YTHDC2: variants seen among roughly 807,000 people sequenced by gnomAD.
The protein encoded by YTHDC2 is YTH N6-methyladenosine RNA binding protein C2.
YTHDC2 carries 45 observed loss-of-function variants against 174.9 expected under a neutral mutation model. The ratio of observed to expected loss-of-function variants is 0.26; its 90% CI spans 0.20 to 0.33. The LOEUF (loss-of-function observed/expected upper bound fraction) is 0.33, where lower values mean the gene tolerates loss of function less well. Ranked by LOEUF, YTHDC2 falls within the 10% of genes least tolerant of loss-of-function variation. The probability of loss-of-function intolerance (pLI) is 1.00; values close to 1 mark genes in which losing one functional copy is unlikely to be tolerated. For missense variants in YTHDC2, 1,650 were observed against 1,723.7 expected (o/e 0.96, Z 0.76); for synonymous variants, 657 against 574.5 (o/e 1.14, Z -2.05).
intron 18 of YTHDC2, among the ~76,000 whole-genome samples, chr5:113,561,392 C>T (rs1776952989): frequency 1.5e-5 from 2 of 130,374 alleles, no homozygotes; most frequent in South Asian, 4.4e-4. Context: ...TAAAGAATCA[C>T]TTGAATATTT....
In YTHDC2 at chr5:113,532,969, G is replaced by A. The variant is rs1774782188; in HGVS notation, c.766G>A (p.Val256Met). The change falls in exon 5 of 30, where the codon GTG (valine) becomes ATG (methionine). Residue 256 changes from valine (V) to methionine (M), a missense_variant. By Grantham distance (21) the Val-to-Met change is conservative. Coordinates refer to ENST00000161863, the MANE Select transcript of YTHDC2 (RefSeq NM_022828.5). ...TQPRRLAAIAVAERVAAERRE... is the reference protein window; with the variant it reads ...TQPRRLAAIAMAERVAAERRE... ...ACCAAGACGATTGGCAGCTATCGCT[G>A]TGGCTGAAAGAGTTGCCGCAGAGAG... is the stretch of plus-strand genomic sequence containing the variant. 6.2e-7 allele frequency: 1 copy of A among 1,614,190 alleles called. No individual in the cohort carries two copies. Among genetic ancestry groups the A allele is most frequent in the Non-Finnish European group, 8.5e-7 (1 of 1,180,032 alleles).
At chr5:113,517,916 T>TC (rs1450404083) in intron 2 of YTHDC2, among the ~76,000 whole-genome samples, 1 of 152,074 alleles carries the variant, frequency 6.6e-6, no homozygotes. Flanking sequence ...TGAGATGGAG[T>TC]CTTGCTCTGT....
intron 26 of YTHDC2, among the ~76,000 whole-genome samples, chr5:113,589,651 G>C (rs535981680): frequency 1.4e-3 from 214 of 151,814 alleles, no homozygotes; most frequent in Non-Finnish European, 2.2e-3. Flanking sequence ...AGGATCACAT[G>C]AACCCAGGAA....
intron 10 of YTHDC2, among the ~76,000 whole-genome samples, chr5:113,544,557 GTT>G (rs1775720231): frequency 6.6e-6 from 1 of 152,118 alleles, no homozygotes; most frequent in Non-Finnish European, 1.5e-5. Context: ...TGTTTTAGTA[GTT>G]AACTTTTTAG....
intron 7 of YTHDC2, among the ~76,000 whole-genome samples, chr5:113,538,128 G>A (rs772858535): frequency 4.0e-5 from 6 of 151,182 alleles, no homozygotes; most frequent in Admixed American, 1.3e-4. Flanking sequence ...TGAGTTCTAC[G>A]GATTTTACCT....
chr5:113,556,615 CAGAT>C (rs1776628531), intron 17 of YTHDC2, among the ~76,000 whole-genome samples: 1 of 152,078 alleles, frequency 6.6e-6, no homozygotes, highest in African/African-American at 2.4e-5. Context: ...TTTTGAATCT[CAGAT>C]GGGCATTGAT....
intron 16 of YTHDC2, 74 bp from the exon 17 acceptor site, chr5:113,555,978 T>C (rs750772684): frequency 1.1e-5 from 9 of 852,902 alleles, no homozygotes; most frequent in African/African-American, 3.5e-5. Flanking sequence ...TGTTAAAATA[T>C]GTTGATAACA....
rs934610065 is a variant in YTHDC2, at chr5:113,538,581, C to T, written c.1103-493C>T. Among the ~76,000 whole-genome samples the T allele has an allele frequency of 5.3e-5, 8 of 151,810 alleles. No individual in the cohort carries two copies. In the South Asian group the frequency reaches 1.5e-3, roughly 28 times the overall value. On this transcript the variant is annotated intron_variant, in intron 7 of 29. Coordinates refer to ENST00000161863, the MANE Select transcript of YTHDC2 (RefSeq NM_022828.5). ...TACACTTTTTATTCTTTTCATATGG[C>T]TTTGTTATTTTGTTTATCTTCTTGT...
At chr5:113,581,203 AGACT>A (rs934906145) in intron 24 of YTHDC2, 1 of 422,390 alleles carries the variant, frequency 2.4e-6, no homozygotes, top group Non-Finnish European at 4.1e-6. Flanking sequence ...CTTTCTTATT[AGACT>A]ATTTAATTTG....
chr5:113,533,981 A>ATTTTTTTTTTTTTTTTTTT (rs1301090097), intron 5 of YTHDC2, among the ~76,000 whole-genome samples: 9 of 152,124 alleles, frequency 5.9e-5, no homozygotes, highest in Non-Finnish European at 1.5e-5. Context: ...GACAAGTAGT[A>ATTTTTTTTTTTTTTTTTTT]CTTTTTTTAT....
At chr5:113,558,681 T>C (rs1425660333) in intron 17 of YTHDC2, among the ~76,000 whole-genome samples, 1 of 152,022 alleles carries the variant, frequency 6.6e-6, no homozygotes, top group Non-Finnish European at 1.5e-5. Flanking sequence ...CGAAGTGGAT[T>C]GGGAGGCTGA....
At chr5:113,535,961 C>G (rs12332461) in intron 7 of YTHDC2, among the ~76,000 whole-genome samples, 163 bp downstream of exon 7, 19,944 of 152,194 alleles carry the variant, frequency 0.13, 2,406 homozygotes, top group African/African-American at 0.32. Context: ...TCAACTTCTC[C>G]TTTTCTATCA....
chr5:113,530,572 G>A (rs1226543613), intron 4 of YTHDC2, among the ~76,000 whole-genome samples: 2 of 151,948 alleles, frequency 1.3e-5, no homozygotes, highest in African/African-American at 4.8e-5. Context: ...CCTGTCCCTT[G>A]TATCATTGCT....
Position 113,563,983 on chromosome 5 carries a change from C to T in YTHDC2, c.2567C>T (p.Pro856Leu). The T allele has an allele frequency of 6.2e-7, 1 of 1,614,106 alleles. No individual in the cohort carries two copies. Among genetic ancestry groups the T allele is most frequent in the Non-Finnish European group, 8.5e-7 (1 of 1,180,006 alleles). ...LCAVVLKCLD[P>L]ILTIACTLAY... The stretch of plus-strand genomic sequence containing the variant: ...GCTGTTGTTTTAAAGTGTCTGGACC[C>T]CATCCTTACAATTGCTTGCACACTA... Residue 856 changes from proline (P) to leucine (L), a missense_variant, in exon 20 of 30, where the codon CCC becomes CTC. By Grantham distance (98) the Pro-to-Leu change is moderately conservative (BLOSUM62 -3). Transcript: ENST00000161863.
At chr5:113,575,180 A>AT (rs1777965780) in intron 23 of YTHDC2, among the ~76,000 whole-genome samples, 1 of 152,196 alleles carries the variant, frequency 6.6e-6, no homozygotes, top group African/African-American at 2.4e-5. Context: ...CTAATAAGCC[A>AT]TCTTGATTGA....
At chr5:113,563,567 C>G in intron 19 of YTHDC2, 75 bp downstream of exon 19, 1 of 1,446,774 alleles carries the variant, frequency 6.9e-7, no homozygotes, top group Non-Finnish European at 9.3e-7. Flanking sequence ...TATGTCTTAA[C>G]TAATTTTGTA....
At chr5:113,564,957 G>A (rs1777233524) in intron 20 of YTHDC2, among the ~76,000 whole-genome samples, 1 of 152,078 alleles carries the variant, frequency 6.6e-6, no homozygotes, top group Non-Finnish European at 1.5e-5. Flanking sequence ...GGGGTTACAG[G>A]CACCCACCAC....
intron 9 of YTHDC2, 135 bp from the exon 10 acceptor site, chr5:113,542,233 A>G (rs1218299310): frequency 1.1e-6 from 1 of 893,322 alleles, no homozygotes; most frequent in East Asian, 2.6e-5. Flanking sequence ...TGAAAGGAGA[A>G]ATTTTTTATG....
In YTHDC2 at chr5:113,531,005, C is replaced by T. The variant is rs1054313649; in HGVS notation, c.676-1874C>T. Among the ~76,000 whole-genome samples the T allele has an allele frequency of 1.1e-4, 17 of 152,250 alleles. No homozygotes were observed. The South Asian group carries it at 1.4e-3, about 13-fold the overall frequency. ...TTCCCGCCCCCCAACTCCTTCTCTC[C>T]GCTCTTTTCTTGCATAGTGTCTGAG... On this transcript the variant is annotated intron_variant, in intron 4 of 29. Transcript: ENST00000161863.
Sources: allele counts gnomAD v4.1 joint callset (sites outside exome capture counted in the v4.1 genomes callset), GRCh38; gene constraint gnomAD v4.1.1; transcripts MANE v1.5; gene names NCBI Gene and HGNC (gene_info 2026-07-23, HGNC 2026-07-21).